The following PCLO variants were observed in gnomAD, a reference collection of about 807,000 sequenced individuals.
PCLO encodes the protein piccolo presynaptic cytomatrix protein.
PCLO carries 82 observed loss-of-function variants against 427.5 expected under a neutral mutation model. The observed-to-expected ratio is 0.19, with a 90% CI of 0.16 to 0.23. PCLO has a LOEUF of 0.23. Among genes scored for constraint, PCLO ranks in the 10% least tolerant of loss-of-function variants. The pLI, the probability that PCLO is intolerant of heterozygous loss-of-function variation, is 1.00. For synonymous variants in PCLO, 2,357 were observed against 2,155.4 expected, an observed-to-expected ratio of 1.09 and a Z score of -2.59; for missense variants, 6,239 against 6,115.9, an observed-to-expected ratio of 1.02 and a Z score of -0.67.
intron 3 of PCLO, among the ~76,000 whole-genome samples, chr7:83,020,410 C>T: frequency 6.6e-6 from 1 of 151,984 alleles, no homozygotes; most frequent in East Asian, 1.9e-4. Context: ...GAGGGGGGGC[C>T]TTTGAGGGAG....
At chr7:82,895,167 C>G (rs1404943254) in intron 9 of PCLO, among the ~76,000 whole-genome samples, 1 of 151,540 alleles carries the variant, frequency 6.6e-6, no homozygotes, top group East Asian at 2.0e-4. Context: ...AACTAAAGAT[C>G]AAGAGCAGAA....
At chr7:82,827,574 A>C in intron 17 of PCLO, among the ~76,000 whole-genome samples, 1 of 152,080 alleles carries the variant, frequency 6.6e-6, no homozygotes, top group East Asian at 1.9e-4. Context: ...AAATATGATA[A>C]ATGTGGCTTA....
intron 3 of PCLO, among the ~76,000 whole-genome samples, chr7:82,967,048 T>A (rs1183112016): frequency 6.6e-6 from 1 of 152,114 alleles, no homozygotes; most frequent in Non-Finnish European, 1.5e-5. Flanking sequence ...CATAATCCTC[T>A]GCTTCCAGAT....
At chr7:82,910,298 T>C (rs2116237013) in intron 7 of PCLO, among the ~76,000 whole-genome samples, 1 of 152,208 alleles carries the variant, frequency 6.6e-6, no homozygotes, top group South Asian at 2.1e-4. Context: ...CTAGGCCATT[T>C]CCATCATTTC....
chr7:83,038,639 C>G (rs1010667848), intron 3 of PCLO, among the ~76,000 whole-genome samples: 3 of 151,884 alleles, frequency 2.0e-5, no homozygotes, highest in Non-Finnish European at 4.4e-5. Context: ...TTGATGAGTA[C>G]TTGGGTTGTT....
At chr7:82,824,888 G>T (rs1335938925) in intron 18 of PCLO, among the ~76,000 whole-genome samples, 2 of 151,992 alleles carry the variant, frequency 1.3e-5, no homozygotes, top group Non-Finnish European at 2.9e-5. Context: ...GGCAGAGCTT[G>T]CAGTGAGCTG....
rs1788404812 is a variant in PCLO, at chr7:83,023,744, C to A, written c.3301-57257G>T. On this transcript the variant is annotated intron_variant, in intron 3 of 24. Coordinates refer to ENST00000333891, the MANE Select transcript of PCLO (RefSeq NM_033026.6). The stretch of plus-strand genomic sequence containing the variant: ...TGTTTCAGATAAAATTTAATAGTTT[C>A]ACTTTAAAAATTAAGTAAACATGTC... Among the ~76,000 whole-genome samples the A allele has an allele frequency of 2.0e-5, 3 of 152,146 alleles. No homozygotes were observed. The South Asian group carries it at 6.2e-4, about 32-fold the overall frequency.
chr7:83,156,358 G>C lies in PCLO; in HGVS notation c.283C>G (p.Gln95Glu). Reference sequence around the variant, plus strand: ...CCAGGGTCCGGGGGTCTTCCTGATTGCTTTGGAGGATGACTACTATCCAAC... The same window carrying C: ...CCAGGGTCCGGGGGTCTTCCTGATTCCTTTGGAGGATGACTACTATCCAAC... ...QELDSSHPPK[Q>E]SGRPPDPGRP... The change falls in exon 2 of 25, where the codon CAA (glutamine) becomes GAA (glutamate). Residue 95 changes from glutamine to glutamate, a missense_variant. Transcript: ENST00000333891. The C allele has an allele frequency of 6.2e-7, 1 of 1,607,650 alleles. No individual in the cohort carries two copies. Among genetic ancestry groups the C allele is most frequent in the African/African-American group, 1.4e-5 (1 of 73,990 alleles).
chr7:82,901,335 T>C (rs1562845837), intron 9 of PCLO, among the ~76,000 whole-genome samples: 1 of 151,962 alleles, frequency 6.6e-6, no homozygotes, highest in Non-Finnish European at 1.5e-5. Context: ...TCAGTACATA[T>C]GTAAATCTGA....
At chr7:83,132,061 G>C (rs1249115528) in intron 3 of PCLO, among the ~76,000 whole-genome samples, 2 of 151,858 alleles carry the variant, frequency 1.3e-5, no homozygotes, top group African/African-American at 4.8e-5. Flanking sequence ...AAGTCCTATG[G>C]AGTAATGATA....
intron 3 of PCLO, among the ~76,000 whole-genome samples, chr7:83,123,923 C>T (rs1241815789): frequency 3.0e-5 from 3 of 99,476 alleles, no homozygotes; most frequent in African/African-American, 1.3e-4. Flanking sequence ...GAAACCCTGT[C>T]TCTACTAAAA....
intron 3 of PCLO, among the ~76,000 whole-genome samples, chr7:83,002,528 T>G (rs1457044095): frequency 6.6e-6 from 1 of 151,974 alleles, no homozygotes; most frequent in African/African-American, 2.4e-5. Flanking sequence ...TAATTTGGCT[T>G]TAATACAAAT....
chr7:82,827,175 T>C (rs773204679), intron 17 of PCLO, among the ~76,000 whole-genome samples: 1 of 152,064 alleles, frequency 6.6e-6, no homozygotes, highest in Non-Finnish European at 1.5e-5. Flanking sequence ...AAATTAAGAA[T>C]CTCATTTTGA....
In PCLO at chr7:82,845,435, G is replaced by A. The variant is rs2115806899; in HGVS notation, c.13882C>T (p.Leu4628Phe). The A allele has an allele frequency of 6.2e-7, 1 of 1,613,190 alleles. No homozygotes were observed. Among genetic ancestry groups the A allele is most frequent in the African/African-American group, 1.3e-5 (1 of 75,014 alleles). The change falls in exon 13 of 25, where the codon CTC (leucine) becomes TTC (phenylalanine). Residue 4628 changes from leucine (L) to phenylalanine (F), a missense_variant. Leu to Phe is a conservative substitution (Grantham distance 22). Transcript: ENST00000333891. ...GACTGCTGTAGTGAAACCTTCTGGA[G>A]TTCTGCTGCCAACTGCTTAGGATCA... ...GVDPKQLAAE[L>F]QKVSLQQSPL...
chr7:83,145,961 A>G (rs1584084945), intron 2 of PCLO, among the ~76,000 whole-genome samples: 1 of 152,328 alleles, frequency 6.6e-6, no homozygotes, highest in East Asian at 1.9e-4. Flanking sequence ...GAGGGATGGC[A>G]GACTTCAAAA....
intron 3 of PCLO, among the ~76,000 whole-genome samples, chr7:83,026,281 CAAAA>C (rs1788494948): frequency 6.6e-6 from 1 of 151,538 alleles, no homozygotes; most frequent in Admixed American, 6.6e-5. Context: ...AAATGGAAAA[CAAAA>C]AAAGGCAGGG....
intron 20 of PCLO, chr7:82,821,486 A>T (rs1259087655): frequency 1.0e-6 from 1 of 985,224 alleles, no homozygotes; most frequent in African/African-American, 1.7e-5. Context: ...AATGATGACT[A>T]GGGAGATGGA....
rs116500695 is a variant in PCLO, at chr7:82,955,257, T to G, written c.5696A>C (p.Gln1899Pro). ...GCTACCTTCTTTCTGCATAATAGAT[T>G]GCTCATCTGTTGGTGAGTATAATGA... The part of the protein sequence containing the change: ...AVSLYSPTDE[Q>P]SIMQKEGSQK... Residue 1899 changes from glutamine (Q) to proline (P), a missense_variant, in exon 5 of 25, where the codon CAA (glutamine) becomes CCA (proline). This residue lies in a region of PCLO where 4,677 missense variants were observed against 4,468.4 expected (regional missense o/e 1.05). Coordinates refer to ENST00000333891, the MANE Select transcript of PCLO (RefSeq NM_033026.6). The G allele has an allele frequency of 3.0e-3, 4,827 of 1,613,506 alleles. 117 individuals are homozygous for G. The African/African-American group carries it at 0.055, about 18-fold the overall frequency.
At chr7:83,100,888 T>C (rs1253154750) in intron 3 of PCLO, among the ~76,000 whole-genome samples, 1 of 152,130 alleles carries the variant, frequency 6.6e-6, no homozygotes, top group Admixed American at 6.5e-5. Flanking sequence ...AACAAATCAA[T>C]ACACACAGCG....
Sources: gnomAD v4.1 joint callset for allele counts (sites outside exome capture counted in the v4.1 genomes callset) on GRCh38, gnomAD v4.1.1 for gene constraint, gnomAD v4.1.1 regional missense constraint, MANE v1.5 for transcripts, NCBI Gene and HGNC (gene_info 2026-07-23, HGNC 2026-07-21) for gene names.